LMNTD2: variants seen among roughly 807,000 people sequenced by gnomAD.
The protein encoded by LMNTD2 is lamin tail domain-containing protein 2.
In LMNTD2, 83 loss-of-function variants were observed where a neutral mutation model predicts 70.1. The observed-to-expected ratio is 1.18, with a 90% CI of 0.99 to 1.42. The LOEUF is 1.42. LMNTD2 is among the 40% of genes most tolerant of loss of function. The pLI is 0.00. For synonymous variants in LMNTD2, 534 were observed against 406.1 expected (o/e 1.31, Z -3.79); for missense variants, 1,153 against 905.9 (o/e 1.27, Z -3.50).
Position 557,384 on chromosome 11 carries a change from GCT to G in LMNTD2, c.713+13_713+14del, listed in dbSNP as rs1207593242. ...CCCTTCTGGCCCCTGGGGAGTCCCT[GCT>G]CTGTGCAGTTACTTTTGCTTTGAGC... On this transcript the variant is annotated intron_variant, in intron 7 of 13. Coordinates refer to ENST00000329451, the MANE Select transcript of LMNTD2 (RefSeq NM_173573.3). The G allele has an allele frequency of 1.3e-6, 2 of 1,584,464 alleles. No homozygotes were observed. The highest frequency in any genetic ancestry group is 2.7e-5 in the African/African-American group (2 of 74,348).
At chr11:559,509 T>C (rs1484836773) in intron 1 of LMNTD2, 1 of 1,273,574 alleles carries the variant, frequency 7.9e-7, no homozygotes, top group Non-Finnish European at 1.0e-6. Context: ...CTGGAGGAGG[T>C]GTGAGAGGCT....
rs1853086841 is a variant in LMNTD2 at position 558,963 on chromosome 11, A to C, written c.51T>G (p.Ser17Arg). Residue 17 changes from serine to arginine, a missense_variant, in exon 2 of 14, where the codon AGT (serine) becomes AGG (arginine). By Grantham distance (110) the Ser-to-Arg change is moderately radical (BLOSUM62 -1). Coordinates refer to ENST00000329451, the MANE Select transcript of LMNTD2 (RefSeq NM_173573.3). ...AGRRREQESV[S>R]GHLGPPAGAP... ...CGCCTGCTGGAGGTCCCAGGTGACC[A>C]CTGACCGACTCTTGCTCTGTGGGGG... is the stretch of plus-strand genomic sequence containing the variant. The C allele has an allele frequency of 1.2e-6, 2 of 1,601,884 alleles. No individual in the cohort carries two copies. Among genetic ancestry groups the C allele is most frequent in the Non-Finnish European group, 8.5e-7 (1 of 1,179,674 alleles).
chr11:556,859 C>CGGT lies in LMNTD2; in HGVS notation c.951_952insACC (p.Ala317_Gly318insThr). 1.3e-6 allele frequency: 2 copies of CGGT among 1,583,976 alleles called. No homozygotes were observed. Among genetic ancestry groups the CGGT allele is most frequent in the Non-Finnish European group, 1.7e-6 (2 of 1,164,730 alleles). ...CCTTCTGAGTCCCTGCTGTAGCTGC[C>CGGT]GGCCTGCACCAGCGCTTGCTCGGAG... On this transcript the variant is annotated inframe_insertion, in exon 8 of 14. Transcript: ENST00000329451.
At chr11:557,771 C>T in intron 5 of LMNTD2, 113 bp downstream of exon 5, 1 of 1,544,580 alleles carries the variant, frequency 6.5e-7, no homozygotes, top group Non-Finnish European at 8.7e-7. Context: ...CCAGAGGCAC[C>T]TGAGCAGGGC....
intron 5 of LMNTD2, 34 bp from the exon 6 acceptor site, chr11:557,674 G>C: frequency 6.2e-7 from 1 of 1,612,896 alleles, no homozygotes; most frequent in South Asian, 1.1e-5. Context: ...GTGGGCAGGG[G>C]CTGGGTGCTC....
Position 555,915 on chromosome 11 carries a change from G to A in LMNTD2, c.1393C>T (p.Arg465Trp), listed in dbSNP as rs1852831326. ...GCCGGAGTCTCGCGGCGTGGGATCC[G>A]GTGCTCACTGAGGACCTGCGGGGCG... ...SPKGEVLSEH[R>W]IPRRETPAPR... Residue 465 changes from arginine to tryptophan, a missense_variant, in exon 12 of 14, where the codon CGG becomes TGG. By Grantham distance (101) the Arg-to-Trp change is moderately radical. Coordinates refer to ENST00000329451, the MANE Select transcript of LMNTD2 (RefSeq NM_173573.3). The A allele has an allele frequency of 2.6e-6, 4 of 1,564,916 alleles. No homozygotes were observed. The highest frequency in any genetic ancestry group is 1.9e-5 in the Admixed American group (1 of 54,000).
chr11:557,781 C>T, intron 5 of LMNTD2, 103 bp downstream of exon 5: 1 of 1,529,698 alleles, frequency 6.5e-7, no homozygotes, highest in Non-Finnish European at 8.8e-7. Context: ...CTGAGCAGGG[C>T]AGGCTTCCAG....
intron 7 of LMNTD2, 75 bp downstream of exon 7, chr11:557,324 A>G: frequency 6.7e-7 from 1 of 1,491,200 alleles, no homozygotes; most frequent in Non-Finnish European, 9.1e-7. Flanking sequence ...ATGGTCCTTT[A>G]GTGTCCTGCG....
intron 1 of LMNTD2, chr11:560,350 G>C (rs1262708477): frequency 1.7e-6 from 2 of 1,150,698 alleles, no homozygotes; most frequent in African/African-American, 3.2e-5. Context: ...AAAAGGGGCA[G>C]GAAGGTGTCG....
At chr11:558,127 A>G (rs755713459) in intron 4 of LMNTD2, 34 bp downstream of exon 4, 2 of 1,610,892 alleles carry the variant, frequency 1.2e-6, no homozygotes, top group East Asian at 4.5e-5. Context: ...CCCCAACACC[A>G]GGACCCTGCC....
At chr11:559,540 G>T (rs189474789) in intron 1 of LMNTD2, 3 of 1,229,552 alleles carry the variant, frequency 2.4e-6, no homozygotes, top group African/African-American at 1.6e-5. Flanking sequence ...TCAGCTTAGC[G>T]GGGGGACCAC....
chr11:556,783 A>C, intron 8 of LMNTD2, 52 bp downstream of exon 8: 2 of 1,449,388 alleles, frequency 1.4e-6, no homozygotes, highest in South Asian at 1.4e-5. Flanking sequence ...CACAGCTCTG[A>C]GGGGGTGGAG....
rs756169752 is a variant in LMNTD2, at chr11:556,891, C to T, written c.920G>A (p.Arg307His). Reference sequence around the variant, plus strand: ...CACCAGCGCTTGCTCGGAGGAAGCGCGGTGGTCCCGGGGCGGGTGCCCTAT... The same window carrying T: ...CACCAGCGCTTGCTCGGAGGAAGCGTGGTGGTCCCGGGGCGGGTGCCCTAT... ...QVIGHPPRDH[R>H]ASSEQALVQA... Residue 307 changes from arginine to histidine, a missense_variant, in exon 8 of 14, where the codon CGC becomes CAC. By Grantham distance (29) the Arg-to-His change is conservative. Coordinates refer to ENST00000329451, the MANE Select transcript of LMNTD2 (RefSeq NM_173573.3). 6 of 1,595,410 alleles carry T rather than the reference C, an allele frequency of 3.8e-6. No homozygotes were observed. Among genetic ancestry groups the T allele is most frequent in the African/African-American group, 1.3e-5 (1 of 74,706 alleles).
rs1852687069 is a variant in LMNTD2 at position 554,919 on chromosome 11, CCGCCCAGCCCCGG to C, written c.*48_*60del. ...CAATAAATGATGCAGCGGACACAGC[CCGCCCAGCCCCGG>C]CGCCCGCCCGCGCCCTCCCTCGCGG... On this transcript the variant is annotated 3_prime_UTR_variant, in exon 14 of 14. Coordinates refer to ENST00000329451, the MANE Select transcript of LMNTD2 (RefSeq NM_173573.3). The C allele has an allele frequency of 9.5e-6, 12 of 1,259,920 alleles. No homozygotes were observed. The South Asian group carries it at 1.9e-4, about 20-fold the overall frequency. The allele number at this position is 1,259,920 out of a possible 1,614,324, so 78.0% of individuals were successfully genotyped here. A position where few individuals can be genotyped will look rare whatever the true frequency, so the allele number is the denominator to read the frequency against.
intron 3 of LMNTD2, 77 bp from the exon 4 acceptor site, chr11:558,325 G>C (rs1853033256): frequency 6.1e-6 from 9 of 1,470,768 alleles, no homozygotes; most frequent in Non-Finnish European, 8.4e-6. Flanking sequence ...GGCGAAGGAG[G>C]GGAGAAGGAG....
In LMNTD2 at chr11:555,535, C is replaced by T. The variant is rs1161615289; in HGVS notation, c.1575-32G>A. On this transcript the variant is annotated intron_variant, in intron 12 of 13. Coordinates refer to ENST00000329451, the MANE Select transcript of LMNTD2 (RefSeq NM_173573.3). ...GGGCGAGGGTCGTGAGGGCGGCGGC[C>T]GGCCCGGGAAAGGCGGCCCTAGAGG... The T allele has an allele frequency of 5.2e-6, 7 of 1,334,410 alleles. No individual in the cohort carries two copies. In the South Asian group the frequency reaches 6.1e-5, roughly 12 times the overall value. The allele number at this position is 1,334,410 out of a possible 1,614,324, so 82.7% of individuals were successfully genotyped here.
chr11:557,187 C>T lies in LMNTD2; in HGVS notation c.714-90G>A, dbSNP rs913079216. 2.7e-6 allele frequency: 4 copies of T among 1,473,150 alleles called. No homozygotes were observed. In the African/African-American group the frequency reaches 4.2e-5, roughly 15 times the overall value. 91.3% of individuals were successfully genotyped at this position (1,473,150 alleles called of 1,614,324 possible). On this transcript the variant is annotated intron_variant, in intron 7 of 13. Transcript: ENST00000329451. Reference sequence around the variant, plus strand: ...CTCACAAGGCAGTGCAGCAGGGAGCCCCTCTTGCCTCCCAGTACCCAGGCT... The same window carrying T: ...CTCACAAGGCAGTGCAGCAGGGAGCTCCTCTTGCCTCCCAGTACCCAGGCT...
At chr11:559,048 A>T (rs751213571) in intron 1 of LMNTD2, 69 bp from the exon 2 acceptor site, 2 of 1,572,806 alleles carry the variant, frequency 1.3e-6, no homozygotes, top group Non-Finnish European at 1.7e-6. Flanking sequence ...GGCCATTCTC[A>T]ATGTTCTTCG....
At chr11:559,593 T>A (rs1213547945) in intron 1 of LMNTD2, 1 of 1,185,410 alleles carries the variant, frequency 8.4e-7, no homozygotes, top group East Asian at 5.9e-5. Flanking sequence ...ATCCCCTACC[T>A]AGCCTGGCAG....
Sources: allele counts gnomAD v4.1 joint callset, GRCh38; gene constraint gnomAD v4.1.1; transcripts MANE v1.5; gene names NCBI Gene and HGNC (gene_info 2026-07-23, HGNC 2026-07-21).